Variants in PEG3 observed in about 807,000 individuals in gnomAD.
PEG3 encodes paternally-expressed gene 3 protein.
In PEG3, 23 loss-of-function variants were observed where a neutral mutation model predicts 35.5. That is an observed-to-expected ratio of 0.65 (90% confidence interval 0.47 to 0.92). PEG3 has a LOEUF of 0.92. PEG3 is among the 40% of genes least tolerant of loss of function. The pLI is 0.00. For synonymous variants in PEG3, 707 were observed against 697.0 expected (o/e 1.01, Z -0.23); for missense variants, 1,960 against 1,985.3 (o/e 0.99, Z 0.24).
intron 1 of PEG3, among the ~76,000 whole-genome samples, chr19:56,837,044 C>T (rs983907274): frequency 8.6e-5 from 13 of 151,112 alleles, no homozygotes; most frequent in Non-Finnish European, 1.8e-4. Flanking sequence ...GTGTCACTTT[C>T]CCTACCTCAA....
In PEG3 at chr19:56,821,673, C is replaced by A; in HGVS notation, c.647G>T (p.Arg216Met). ...TACCTGAGATCGGGACTCATAAGCC[C>A]TGGAGTCCCTGTCGTCCTCTCTGTC... ...EMDREDDRDS[R>M]AYESRSQDAE... The change falls in exon 7 of 10, where the codon AGG becomes ATG. Residue 216 changes from arginine to methionine, a missense_variant. Arg to Met is a moderately conservative substitution (Grantham distance 91). Around this residue, in one of 5 missense-constraint regions of PEG3, gnomAD observed 613 missense variants for 577.1 expected, o/e 1.06. Coordinates refer to ENST00000326441, the MANE Select transcript of PEG3 (RefSeq NM_006210.3). 6.2e-7 allele frequency: 1 copy of A among 1,614,006 alleles called. No homozygotes were observed. Among genetic ancestry groups the A allele is most frequent in the East Asian group, 2.2e-5 (1 of 44,862 alleles).
chr19:56,832,556 C>T (rs1462527590), intron 2 of PEG3, among the ~76,000 whole-genome samples: 4 of 152,240 alleles, frequency 2.6e-5, no homozygotes, highest in South Asian at 2.1e-4. Flanking sequence ...TCTCCCTCTG[C>T]TCTCTCTTCA....
intron 1 of PEG3, among the ~76,000 whole-genome samples, chr19:56,838,279 A>T (rs2062431124): frequency 6.6e-6 from 1 of 151,898 alleles, no homozygotes; most frequent in Non-Finnish European, 1.5e-5. Flanking sequence ...CTAGTCACTG[A>T]GAAAGCCCTC....
chr19:56,819,953 C>T (rs1236409418), intron 7 of PEG3, among the ~76,000 whole-genome samples: 1 of 152,052 alleles, frequency 6.6e-6, no homozygotes, highest in Non-Finnish European at 1.5e-5. Flanking sequence ...TGTCCTGCCA[C>T]AAAAAAGCAG....
intron 2 of PEG3, chr19:56,833,396 G>A (rs1439120819): frequency 2.9e-6 from 1 of 344,072 alleles, no homozygotes; most frequent in Non-Finnish European, 5.7e-6. Context: ...CTCTCTTCTT[G>A]TTTGCTCCAT....
Position 56,811,404 on chromosome 19 carries a change from C to T in PEG3, c.*2271G>A. The T allele has an allele frequency of 1.1e-6, 1 of 883,204 alleles. No homozygotes were observed. The allele number at this position is 883,204 out of a possible 1,614,324, so 54.7% of individuals were successfully genotyped here. On this transcript the variant is annotated 3_prime_UTR_variant, in exon 10 of 10. Transcript: ENST00000326441. ...ATATACTTTCGTGTCCTGCTTTCTC[C>T]ACTTAATGTTCTGTAAATATATTTC...
intron 5 of PEG3, 147 bp from the exon 6 acceptor site, chr19:56,822,983 C>T (rs1256457064): frequency 9.5e-7 from 1 of 1,048,656 alleles, no homozygotes; most frequent in East Asian, 2.6e-5. Context: ...GGTTCCCAGG[C>T]TCATCTGGCC....
intron 2 of PEG3, chr19:56,833,156 T>C (rs1467407371): frequency 3.9e-6 from 2 of 517,510 alleles, no homozygotes; most frequent in Non-Finnish European, 7.7e-6. Flanking sequence ...GACTCCGGTT[T>C]GGCCTCAGGC....
intron 2 of PEG3, among the ~76,000 whole-genome samples, chr19:56,834,396 C>T (rs1039772917): frequency 1.3e-5 from 2 of 152,188 alleles, no homozygotes; most frequent in African/African-American, 4.8e-5. Context: ...CCCACATCCT[C>T]TTGGTTCTGA....
At chr19:56,837,802 C>T (rs2062348832) in intron 1 of PEG3, among the ~76,000 whole-genome samples, 1 of 152,254 alleles carries the variant, frequency 6.6e-6, no homozygotes, top group South Asian at 2.1e-4. Context: ...CTCAAGATGG[C>T]GCCTGCGCAG....
Position 56,824,417 on chromosome 19 carries a change from C to T in PEG3, c.239G>A (p.Arg80His), listed in dbSNP as rs762185014. The T allele has an allele frequency of 5.6e-6, 9 of 1,614,094 alleles. No homozygotes were observed. The highest frequency in any genetic ancestry group is 7.6e-6 in the Non-Finnish European group (9 of 1,180,028). Residue 80 changes from arginine to histidine, a missense_variant, in exon 4 of 10, where the codon CGC (arginine) becomes CAC (histidine). Arg to His is a conservative substitution (Grantham distance 29). Transcript: ENST00000326441. ...GAGCTCGATGATCTCCTCCTTGGTG[C>T]GGGTCTCCGGCTGCAACCAATCGAG... ...LCLDWLQPET[R>H]TKEEIIELLV...
chr19:56,826,057 T>C (rs575530981), intron 3 of PEG3, among the ~76,000 whole-genome samples: 2 of 152,330 alleles, frequency 1.3e-5, no homozygotes, highest in East Asian at 3.9e-4. Context: ...CCTTAGCGAC[T>C]GGACTATTTC....
chr19:56,836,034 A>C lies in PEG3; in HGVS notation c.-179T>G. 2.0e-6 allele frequency: 1 copy of C among 512,046 alleles called. No individual in the cohort carries two copies. Among genetic ancestry groups the C allele is most frequent in the Non-Finnish European group, 3.9e-6 (1 of 256,778 alleles). The allele number at this position is 512,046 out of a possible 1,614,324, so 31.7% of individuals were successfully genotyped here. ...TCAACTCACCTGGACCCAGCCACCT[A>C]GCGTTTGGACCTAGTCCCTCTTCCT... is the stretch of plus-strand genomic sequence containing the variant. On this transcript the variant is annotated 5_prime_UTR_variant, in exon 2 of 10. Transcript: ENST00000326441.
rs1447298387 is a variant in PEG3 at position 56,817,134 on chromosome 19, G to A, written c.1308C>T (p.Ser436=). ...TTGGCTGTGACTCGGTAAAGGAGGG[G>A]GAGCTGAGGCTGCTCAGGCTGCTCA... The part of the protein sequence containing the change: ...MSVSSLSSLS[S]PSFTESQPID... The change falls in exon 10 of 10, where the codon TCC becomes TCT. Residue 436 remains serine (S), a synonymous_variant. Transcript: ENST00000326441. 1.2e-6 allele frequency: 2 copies of A among 1,614,138 alleles called. No individual in the cohort carries two copies. The highest frequency in any genetic ancestry group is 8.5e-7 in the Non-Finnish European group (1 of 1,179,988).
rs754432380 is a variant in PEG3 at position 56,821,774 on chromosome 19, C to T, written c.566-20G>A. On this transcript the variant is annotated intron_variant, in intron 6 of 9. Transcript: ENST00000326441. ...GCATCCCTGGGAAGAAAAAAGGCAT[C>T]AACAAGAAGCAGGGCCCAGTCCATC... 2 of 1,613,100 alleles carry T rather than the reference C, an allele frequency of 1.2e-6. No individual in the cohort carries two copies. Among genetic ancestry groups the T allele is most frequent in the Middle Eastern group, 3.3e-4 (2 of 5,972 alleles).
intron 2 of PEG3, among the ~76,000 whole-genome samples, chr19:56,834,995 G>A (rs2061945411): frequency 6.6e-6 from 1 of 152,144 alleles, no homozygotes; most frequent in African/African-American, 2.4e-5. Context: ...CCCACATCAT[G>A]TGACTCACTG....
rs1399831696 is a variant in PEG3 at position 56,840,713 on chromosome 19, G to C, written c.-381C>G. The C allele has an allele frequency of 1.3e-5, 2 of 152,620 alleles. No individual in the cohort carries two copies. Among genetic ancestry groups the C allele is most frequent in the African/African-American group, 4.8e-5 (2 of 41,486 alleles). 9.5% of individuals were successfully genotyped at this position (152,620 alleles called of 1,614,324 possible). Reference sequence around the variant, plus strand: ...CTCCCAAACCTCTCCTCCCGCAGCTGCCCAGACTTCTGCACCGAGGTGCAG... The same window carrying C: ...CTCCCAAACCTCTCCTCCCGCAGCTCCCCAGACTTCTGCACCGAGGTGCAG... On this transcript the variant is annotated 5_prime_UTR_variant, in exon 1 of 10. Coordinates refer to ENST00000326441, the MANE Select transcript of PEG3 (RefSeq NM_006210.3).
chr19:56,821,657 T>G lies in PEG3; in HGVS notation c.663A>C (p.Arg221=). The stretch of plus-strand genomic sequence containing the variant: ...AGAGGAAACCTGAGCATACCTGAGA[T>G]CGGGACTCATAAGCCCTGGAGTCCC... ...DDRDSRAYES[R]SQDAESYQNV... is the part of the protein sequence containing the mutation. The change falls in exon 7 of 10, where the codon CGA becomes CGC. Residue 221 remains arginine (R), a synonymous_variant. Transcript: ENST00000326441. 1 of 1,613,944 alleles carries G rather than the reference T, an allele frequency of 6.2e-7. No individual in the cohort carries two copies. The highest frequency in any genetic ancestry group is 8.5e-7 in the Non-Finnish European group (1 of 1,180,020).
In PEG3 at chr19:56,813,675, T is replaced by A; in HGVS notation, c.4767A>T (p.Ter1589CysextTer14). 1 of 1,611,270 alleles carries A rather than the reference T, an allele frequency of 6.2e-7. No individual in the cohort carries two copies. Among genetic ancestry groups the A allele is most frequent in the Non-Finnish European group, 8.5e-7 (1 of 1,177,728 alleles). ...LARHQNTHTG[*>C] ...GTTTTCTAACCTTTACCCCATGCCCTCAGCCAGTGTGGGTATTCTGGTGTC... is the reference window on the plus strand; with the variant it reads ...GTTTTCTAACCTTTACCCCATGCCCACAGCCAGTGTGGGTATTCTGGTGTC... The change falls in exon 10 of 10, where the codon TGA (stop) becomes TGT (cysteine). Residue 1589 changes from the stop codon to cysteine, a stop_lost. Transcript: ENST00000326441.
Sources: gnomAD v4.1 joint callset for allele counts (sites outside exome capture counted in the v4.1 genomes callset) on GRCh38, gnomAD v4.1.1 for gene constraint, gnomAD v4.1.1 regional missense constraint, MANE v1.5 for transcripts, NCBI Gene and HGNC (gene_info 2026-07-23, HGNC 2026-07-21) for gene names.